Variants in BAHCC1 observed in about 807,000 individuals in gnomAD.
The protein encoded by BAHCC1 is BAH domain and coiled-coil containing 1.
A neutral mutation model predicts 88.2 loss-of-function variants in BAHCC1; 43 were observed. That is an observed-to-expected ratio of 0.49 (90% confidence interval 0.38 to 0.63). The LOEUF is 0.63. BAHCC1 is among the 20% of genes least tolerant of loss of function. The pLI is 0.00. For synonymous variants in BAHCC1, 1,510 were observed against 745.5 expected (o/e 2.03, Z -16.71); for missense variants, 3,023 against 1,654.8 (o/e 1.83, Z -14.34).
intron 2 of BAHCC1, among the ~76,000 whole-genome samples, chr17:81,416,623 C>T (rs868986075): frequency 6.6e-6 from 1 of 151,382 alleles, no homozygotes; most frequent in Non-Finnish European, 1.5e-5. Context: ...TGTGTGTGTC[C>T]ATGAGGATGG....
Position 81,464,740 on chromosome 17 carries a change from AT to A in BAHCC1, c.*926del, listed in dbSNP as rs2030583896. ...TGAATCATATTCCAACCTATATCTG[AT>A]TTCTGTTTCCGGGGCCAGTTGGTCT... is the stretch of plus-strand genomic sequence containing the variant. On this transcript the variant is annotated 3_prime_UTR_variant, in exon 28 of 28. Coordinates refer to ENST00000675386, the MANE Select transcript of BAHCC1 (RefSeq NM_001377448.1). 1.3e-5 allele frequency: 2 copies of A among 152,456 alleles called. No individual in the cohort carries two copies. The highest frequency in any genetic ancestry group is 4.8e-5 in the African/African-American group (2 of 41,418). 9.4% of individuals were successfully genotyped at this position (152,456 alleles called of 1,614,324 possible). A position where few individuals can be genotyped will look rare whatever the true frequency, so the allele number is the denominator to read the frequency against.
chr17:81,414,568 A>G (rs922883470), intron 2 of BAHCC1, among the ~76,000 whole-genome samples: 3 of 152,192 alleles, frequency 2.0e-5, no homozygotes, highest in Non-Finnish European at 4.4e-5. Context: ...GCTCCCCTGC[A>G]GAGTTCCTAG....
At chr17:81,425,177 ATAG>A (rs1421862570) in intron 2 of BAHCC1, among the ~76,000 whole-genome samples, 3 of 23,496 alleles carry the variant, frequency 1.3e-4, no homozygotes, top group African/African-American at 2.0e-4. Context: ...GTTGGTGGTG[ATAG>A]TGGTGGGTGA....
Position 81,460,583 on chromosome 17 carries a change from A to G in BAHCC1, c.6079A>G (p.Lys2027Glu), listed in dbSNP as rs1475424164. The change falls in exon 25 of 28, where the codon AAG becomes GAG. Residue 2027 changes from lysine (K) to glutamate (E), a missense_variant. Transcript: ENST00000675386. ...GTCTAGCAGCTGCCGGAGGACCAAG[A>G]AGGTATCCAGTGAGGCACCCCCGCC... ...LVSSSCRRTK[K>E]VSSEAPPPSE... 1.0e-5 allele frequency: 8 copies of G among 769,902 alleles called. No homozygotes were observed. The highest frequency in any genetic ancestry group is 1.7e-5 in the Non-Finnish European group (7 of 413,522). The allele number at this position is 769,902 out of a possible 1,614,324, so 47.7% of individuals were successfully genotyped here. A position where few individuals can be genotyped will look rare whatever the true frequency, so the allele number is the denominator to read the frequency against.
chr17:81,430,570 C>T (rs2064249003), intron 3 of BAHCC1, among the ~76,000 whole-genome samples: 1 of 152,230 alleles, frequency 6.6e-6, no homozygotes, highest in African/African-American at 2.4e-5. Flanking sequence ...CCCTTCGTCC[C>T]CTCTGAGGTC....
At chr17:81,417,200 C>G (rs994882920) in intron 2 of BAHCC1, among the ~76,000 whole-genome samples, 2 of 152,174 alleles carry the variant, frequency 1.3e-5, no homozygotes, top group African/African-American at 2.4e-5. Context: ...CTCCCCGCAG[C>G]TGGCTGTCTC....
At chr17:81,458,513 G>A in intron 18 of BAHCC1, 47 bp downstream of exon 18, 1 of 653,136 alleles carries the variant, frequency 1.5e-6, no homozygotes, top group Non-Finnish European at 2.8e-6. Context: ...GGGTGCCTGT[G>A]AGGAAAGGCC....
In BAHCC1 at chr17:81,399,686, G is replaced by A. The variant is rs2063788295; in HGVS notation, c.-54G>A. Reference sequence around the variant, plus strand: ...CGCCCGCGCGCCGAGCCGCCCCCGGGCCCCGGCCGCGCTGCTCCGAGGAAG... The same window carrying A: ...CGCCCGCGCGCCGAGCCGCCCCCGGACCCCGGCCGCGCTGCTCCGAGGAAG... On this transcript the variant is annotated 5_prime_UTR_variant, in exon 2 of 28. Coordinates refer to ENST00000675386, the MANE Select transcript of BAHCC1 (RefSeq NM_001377448.1). The surrounding 1 kb of genome is among the most constrained non-coding windows in gnomAD (Gnocchi z 4.5). 1.8e-5 allele frequency: 18 copies of A among 989,972 alleles called. No individual in the cohort carries two copies. The highest frequency in any genetic ancestry group is 2.2e-5 in the Non-Finnish European group (18 of 833,772). The allele number at this position is 989,972 out of a possible 1,614,324, so 61.3% of individuals were successfully genotyped here.
intron 3 of BAHCC1, among the ~76,000 whole-genome samples, chr17:81,427,915 G>A (rs1054120461): frequency 1.3e-5 from 2 of 152,214 alleles, no homozygotes; most frequent in African/African-American, 2.4e-5. Context: ...ATTAGCACCC[G>A]GCACTGCTGG....
In BAHCC1 at chr17:81,443,171, C is replaced by T. The variant is rs782037694; in HGVS notation, c.1822C>T (p.Pro608Ser). 1 of 778,972 alleles carries T rather than the reference C, an allele frequency of 1.3e-6. No homozygotes were observed. 48.3% of individuals were successfully genotyped at this position (778,972 alleles called of 1,614,324 possible). Reference protein sequence around the residue: ...EERKAGAYLDPFGSGLQQAAL... With the variant: ...EERKAGAYLDSFGSGLQQAAL... ...GCGCAAGGCTGGCGCCTACCTGGAC[C>T]CCTTTGGCAGTGGCCTGCAGCAGGC... The change falls in exon 5 of 28, where the codon CCC (proline) becomes TCC (serine). Residue 608 changes from proline to serine, a missense_variant. Coordinates refer to ENST00000675386, the MANE Select transcript of BAHCC1 (RefSeq NM_001377448.1).
intron 2 of BAHCC1, among the ~76,000 whole-genome samples, chr17:81,404,100 C>A (rs1282699937): frequency 1.3e-5 from 2 of 152,204 alleles, no homozygotes; most frequent in Non-Finnish European, 2.9e-5. Flanking sequence ...TCTCATCTCC[C>A]TGTGAGACAG....
In BAHCC1 at chr17:81,462,871, C is replaced by T. The variant is rs782639039; in HGVS notation, c.7515C>T (p.Arg2505=). 4 of 784,490 alleles carry T rather than the reference C, an allele frequency of 5.1e-6. No homozygotes were observed. Among genetic ancestry groups the T allele is most frequent in the African/African-American group, 1.7e-5 (1 of 59,232 alleles). The allele number at this position is 784,490 out of a possible 1,614,324, so 48.6% of individuals were successfully genotyped here. A position where few individuals can be genotyped will look rare whatever the true frequency, so the allele number is the denominator to read the frequency against. The part of the protein sequence containing the change: ...AGRPNLPYIG[R]IESMWESWGS... ...GGCCCAACCTCCCCTACATCGGCCG[C>T]ATCGAGAGCATGTGGGAGTCGTGGG... Residue 2505 remains arginine, a synonymous_variant, in exon 27 of 28, where the codon CGC becomes CGT. Coordinates refer to ENST00000675386, the MANE Select transcript of BAHCC1 (RefSeq NM_001377448.1).
In BAHCC1 at chr17:81,434,593, C is replaced by A. The variant is rs1359739569; in HGVS notation, c.359-3777C>A. 6.6e-6 allele frequency among the ~76,000 whole-genome samples: 1 copy of A among 152,240 alleles called. No homozygotes were observed. The highest frequency in any genetic ancestry group is 1.9e-4 in the East Asian group (1 of 5,180). On this transcript the variant is annotated intron_variant, in intron 3 of 27. Coordinates refer to ENST00000675386, the MANE Select transcript of BAHCC1 (RefSeq NM_001377448.1). This position sits in a 1 kb window ranked among gnomAD's most constrained non-coding sequence, Gnocchi z 4.9. ...CTGGGTGACCCTGCAGTGGGAAGTC[C>A]CCTGACCCCCCAGGTGATCTTGGTC...
chr17:81,409,307 T>C (rs2063918908), intron 2 of BAHCC1, among the ~76,000 whole-genome samples: 1 of 152,088 alleles, frequency 6.6e-6, no homozygotes, highest in Admixed American at 6.6e-5. Flanking sequence ...CGCTGTCCTC[T>C]CCTGATTAGC....
chr17:81,405,940 C>A (rs2063872964), intron 2 of BAHCC1, among the ~76,000 whole-genome samples: 1 of 152,220 alleles, frequency 6.6e-6, no homozygotes, highest in South Asian at 2.1e-4. Context: ...TCAGAGGGGC[C>A]TGGTTGCCCA....
In BAHCC1 at chr17:81,408,421, C is replaced by G. The variant is rs1366342005; in HGVS notation, c.178+8504C>G. Among the ~76,000 whole-genome samples, 4 of 151,968 alleles carry G rather than the reference C, an allele frequency of 2.6e-5. No homozygotes were observed. In the East Asian group the frequency reaches 5.8e-4, roughly 22 times the overall value. On this transcript the variant is annotated intron_variant, in intron 2 of 27. Coordinates refer to ENST00000675386, the MANE Select transcript of BAHCC1 (RefSeq NM_001377448.1). The stretch of plus-strand genomic sequence containing the variant: ...ACCCCCCAGGCTCCCACCCTGCACC[C>G]CCACCTCTCAGCTGCCCTCAGTACC...
intron 1 of BAHCC1, among the ~76,000 whole-genome samples, chr17:81,398,131 C>T (rs1257292201): frequency 2.6e-5 from 4 of 152,198 alleles, no homozygotes; most frequent in African/African-American, 9.7e-5. Flanking sequence ...AATATCAAGC[C>T]TATCCATCTC....
In BAHCC1 at chr17:81,447,288, G is replaced by A. The variant is rs1555654747; in HGVS notation, c.3416G>A (p.Arg1139Gln). 6 of 729,296 alleles carry A rather than the reference G, an allele frequency of 8.2e-6. No homozygotes were observed. Among genetic ancestry groups the A allele is most frequent in the Admixed American group, 2.0e-5 (1 of 49,606 alleles). 45.2% of individuals were successfully genotyped at this position (729,296 alleles called of 1,614,324 possible). The change falls in exon 11 of 28, where the codon CGG (arginine) becomes CAG (glutamine). Residue 1139 changes from arginine to glutamine, a missense_variant. Physicochemically the swap from Arg to Gln is conservative, Grantham distance 43. Transcript: ENST00000675386. The part of the protein sequence containing the change: ...DLAATPYPTE[R>Q]GPQGKAADPS... ...GCCGCCACCCCCTACCCTACCGAGC[G>A]GGGACCCCAGGGGAAGGCAGCGGAC...
At chr17:81,414,342 C>T (rs782814045) in intron 2 of BAHCC1, among the ~76,000 whole-genome samples, 2 of 152,228 alleles carry the variant, frequency 1.3e-5, no homozygotes, top group Admixed American at 6.5e-5. Flanking sequence ...CCCAGTGGTC[C>T]GTGAGGCCGG....
Sources: allele counts gnomAD v4.1 joint callset (sites outside exome capture counted in the v4.1 genomes callset), GRCh38; gene constraint gnomAD v4.1.1; non-coding constraint Gnocchi (gnomAD v3.1); transcripts MANE v1.5; gene names NCBI Gene and HGNC (gene_info 2026-07-23, HGNC 2026-07-21).